GALNTL6: variants seen among roughly 807,000 people sequenced by gnomAD.
GALNTL6 encodes polypeptide N-acetylgalactosaminyltransferase like 6.
A neutral mutation model predicts 73.7 loss-of-function variants in GALNTL6; 46 were observed. The ratio of observed to expected loss-of-function variants is 0.62; its 90% confidence interval spans 0.49 to 0.80. The LOEUF is 0.80. Ranked by LOEUF, GALNTL6 falls within the 30% of genes least tolerant of loss-of-function variation. The pLI, the probability that GALNTL6 is intolerant of heterozygous loss-of-function variation, is 0.00. For synonymous variants in GALNTL6, 259 were observed against 263.7 expected (o/e 0.98, Z 0.17); for missense variants, 604 against 755.0 (o/e 0.80, Z 2.34).
intron 5 of GALNTL6, among the ~76,000 whole-genome samples, chr4:172,377,216 A>G (rs896111203): frequency 6.6e-6 from 1 of 152,096 alleles, no homozygotes; most frequent in African/African-American, 2.4e-5. Flanking sequence ...GCTGATTGGT[A>G]TGTTTTGACA....
At chr4:172,017,800 G>A (rs1403638785) in intron 2 of GALNTL6, among the ~76,000 whole-genome samples, 1 of 152,078 alleles carries the variant, frequency 6.6e-6, no homozygotes, top group Non-Finnish European at 1.5e-5. Flanking sequence ...CACGCATTGG[G>A]GCTACTAGGC....
At chr4:172,497,272 C>T (rs1457786495) in intron 5 of GALNTL6, among the ~76,000 whole-genome samples, 2 of 152,122 alleles carry the variant, frequency 1.3e-5, no homozygotes, top group African/African-American at 4.8e-5. Flanking sequence ...AGTAATGGTT[C>T]GATTATAAGT....
At chr4:172,203,953 T>G (rs1334953614) in intron 2 of GALNTL6, among the ~76,000 whole-genome samples, 1 of 151,976 alleles carries the variant, frequency 6.6e-6, no homozygotes, top group African/African-American at 2.4e-5. Flanking sequence ...TCCATGTTGG[T>G]CAGGCAGGTC....
At chr4:172,114,081 T>G (rs1732925209) in intron 2 of GALNTL6, among the ~76,000 whole-genome samples, 2 of 152,054 alleles carry the variant, frequency 1.3e-5, no homozygotes, top group Admixed American at 1.3e-4. Context: ...CATACCTAAA[T>G]CAAAGAAATG....
At position 172,597,925 on chromosome 4, in the gene GALNTL6, T is replaced by G. The variant is rs552541855; in HGVS notation, c.554-211436T>G. 7.9e-5 allele frequency among the ~76,000 whole-genome samples: 12 copies of G among 152,170 alleles called. No homozygotes were observed. In the South Asian group the frequency reaches 1.0e-3, roughly 13 times the overall value. On this transcript the variant is annotated intron_variant, in intron 5 of 12. Transcript: ENST00000506823. ...AATGCTTCTGCCTTTTCATTTCTTT[T>G]TTTTTTTTTAAGGTAAGATATTTGG...
intron 2 of GALNTL6, among the ~76,000 whole-genome samples, chr4:171,900,397 T>A (rs1737050099): frequency 6.6e-6 from 1 of 152,046 alleles, no homozygotes; most frequent in South Asian, 2.1e-4. Flanking sequence ...AACCTCTGCC[T>A]CCCAGGTTCA....
At chr4:172,786,474 A>T (rs1211486725) in intron 5 of GALNTL6, among the ~76,000 whole-genome samples, 1 of 152,172 alleles carries the variant, frequency 6.6e-6, no homozygotes, top group African/African-American at 2.4e-5. Flanking sequence ...CATCTAATTT[A>T]AAAAATTCTT....
At chr4:172,682,449 A>T (rs1034151819) in intron 5 of GALNTL6, among the ~76,000 whole-genome samples, 1 of 152,186 alleles carries the variant, frequency 6.6e-6, no homozygotes, top group South Asian at 2.1e-4. Context: ...ATGAAGGATA[A>T]GTTCAAAAAT....
intron 2 of GALNTL6, among the ~76,000 whole-genome samples, chr4:171,820,095 A>G (rs1734642850): frequency 6.6e-6 from 1 of 152,152 alleles, no homozygotes; most frequent in Non-Finnish European, 1.5e-5. Flanking sequence ...CAACAGATAA[A>G]AAACCTGTGT....
At chr4:172,520,896 A>G (rs1164018650) in intron 5 of GALNTL6, among the ~76,000 whole-genome samples, 1 of 152,064 alleles carries the variant, frequency 6.6e-6, no homozygotes, top group Non-Finnish European at 1.5e-5. Flanking sequence ...AACACACACT[A>G]AAGCAGCAAA....
rs565380456 is a variant in GALNTL6, at chr4:172,767,689, A to G, written c.554-41672A>G. Among the ~76,000 whole-genome samples, 124 of 111,318 alleles carry G rather than the reference A, an allele frequency of 1.1e-3. 1 individual carries two copies. The highest frequency in any genetic ancestry group is 2.3e-3 in the Admixed American group (22 of 9,464). The allele number at this position is 111,318 out of a possible 152,430, so 73.0% of individuals were successfully genotyped here. On this transcript the variant is annotated intron_variant, in intron 5 of 12. Transcript: ENST00000506823. ...TTTCTTTTTTTTTTTTTTTTTTGAGACAGTCTCATTCTGTTGCCCAGGCTG... is the reference window on the plus strand; with the variant it reads ...TTTCTTTTTTTTTTTTTTTTTTGAGGCAGTCTCATTCTGTTGCCCAGGCTG...
At chr4:172,017,732 A>G (rs1347607495) in intron 2 of GALNTL6, among the ~76,000 whole-genome samples, 1 of 151,960 alleles carries the variant, frequency 6.6e-6, no homozygotes, top group East Asian at 1.9e-4. Flanking sequence ...CCCTCTTCCC[A>G]TAGAGTTGGC....
chr4:172,141,140 T>G (rs1209441579), intron 2 of GALNTL6, among the ~76,000 whole-genome samples: 1 of 152,012 alleles, frequency 6.6e-6, no homozygotes, highest in African/African-American at 2.4e-5. Context: ...GCCTTACAGC[T>G]GAGACAAGGT....
At chr4:172,123,351 A>C (rs1169366305) in intron 2 of GALNTL6, among the ~76,000 whole-genome samples, 1 of 152,210 alleles carries the variant, frequency 6.6e-6, no homozygotes, top group Non-Finnish European at 1.5e-5. Context: ...GATCAAATAG[A>C]GAGAAAAAGT....
chr4:172,298,171 T>C (rs963576261), intron 3 of GALNTL6, among the ~76,000 whole-genome samples: 2 of 152,190 alleles, frequency 1.3e-5, no homozygotes, highest in African/African-American at 4.8e-5. Flanking sequence ...TATTGGTGTA[T>C]AAGAATGCTT....
intron 2 of GALNTL6, among the ~76,000 whole-genome samples, chr4:171,900,226 A>T (rs946166931): frequency 1.3e-5 from 2 of 152,106 alleles, no homozygotes. Context: ...GCAGTCATCA[A>T]TTTTTTCATG....
At chr4:172,675,299 C>G (rs572696087) in intron 5 of GALNTL6, among the ~76,000 whole-genome samples, 2 of 152,326 alleles carry the variant, frequency 1.3e-5, no homozygotes, top group South Asian at 2.1e-4. Flanking sequence ...TTGTATTGGG[C>G]CCCAACTTTG....
intron 5 of GALNTL6, among the ~76,000 whole-genome samples, chr4:172,653,636 C>A (rs903869605): frequency 1.3e-5 from 2 of 152,212 alleles, no homozygotes; most frequent in African/African-American, 2.4e-5. Flanking sequence ...TATCTTCCCC[C>A]CAACAGACAT....
chr4:172,464,796 A>G (rs1732749627), intron 5 of GALNTL6, among the ~76,000 whole-genome samples: 2 of 152,142 alleles, frequency 1.3e-5, no homozygotes, highest in Admixed American at 6.5e-5. Context: ...AATTCTATGT[A>G]CACTTTAAGC....
Sources: gnomAD v4.1 joint callset for allele counts (sites outside exome capture counted in the v4.1 genomes callset) on GRCh38, gnomAD v4.1.1 for gene constraint, MANE v1.5 for transcripts, NCBI Gene and HGNC (gene_info 2026-07-23, HGNC 2026-07-21) for gene names.